FGF12: variants seen among roughly 807,000 people sequenced by gnomAD.
FGF12 encodes the protein fibroblast growth factor 12, also known as fibroblast growth factor 12B.
In FGF12, 14 loss-of-function variants were observed where a neutral mutation model predicts 23.6. The observed-to-expected ratio is 0.59, with a 90% confidence interval of 0.39 to 0.93. The LOEUF (loss-of-function observed/expected upper bound fraction) is 0.93, where lower values mean the gene tolerates loss of function less well. FGF12 is among the 40% of genes least tolerant of loss of function. The pLI, the probability that FGF12 is intolerant of heterozygous loss-of-function variation, is 0.00. For synonymous variants in FGF12, 62 were observed against 77.3 expected, an observed-to-expected ratio of 0.80 and a Z score of 1.04; for missense variants, 175 against 217.8, an observed-to-expected ratio of 0.80 and a Z score of 1.24.
intron 2 of FGF12, among the ~76,000 whole-genome samples, chr3:192,593,440 T>C (rs1182016235): frequency 6.6e-6 from 1 of 151,920 alleles, no homozygotes; most frequent in Admixed American, 6.6e-5. Flanking sequence ...TATTTGTTTA[T>C]TTGCTGATAT....
chr3:192,166,564 T>G (rs1715172554), intron 5 of FGF12, among the ~76,000 whole-genome samples: 1 of 152,240 alleles, frequency 6.6e-6, no homozygotes, highest in Non-Finnish European at 1.5e-5. Context: ...CTTTGCCAAT[T>G]GCTAGCTGCA....
chr3:192,594,203 ATGAG>A (rs1247107949), intron 2 of FGF12, among the ~76,000 whole-genome samples: 1 of 152,032 alleles, frequency 6.6e-6, no homozygotes, highest in African/African-American at 2.4e-5. Context: ...AATGAATAGA[ATGAG>A]TGTCATCACA....
intron 4 of FGF12, among the ~76,000 whole-genome samples, chr3:192,272,847 A>G (rs1713534351): frequency 1.3e-5 from 2 of 152,154 alleles, no homozygotes; most frequent in South Asian, 2.1e-4. Context: ...TTGACTTGTG[A>G]TTTGCTAAAT....
At chr3:192,470,438 T>C (rs1027953910) in intron 2 of FGF12, among the ~76,000 whole-genome samples, 1 of 152,188 alleles carries the variant, frequency 6.6e-6, no homozygotes, top group Non-Finnish European at 1.5e-5. Flanking sequence ...GCCTAGGCTG[T>C]AGTGCAATGG....
chr3:192,701,417 G>T (rs753126217), intron 2 of FGF12, among the ~76,000 whole-genome samples: 2 of 152,106 alleles, frequency 1.3e-5, no homozygotes, highest in East Asian at 1.9e-4. Flanking sequence ...CTCATATTTG[G>T]CTCAGAATAA....
At chr3:192,324,772 T>C (rs1716734716) in intron 4 of FGF12, among the ~76,000 whole-genome samples, 1 of 152,208 alleles carries the variant, frequency 6.6e-6, no homozygotes, top group African/African-American at 2.4e-5. Flanking sequence ...TGGCCTAATG[T>C]GGCTAATGAC....
chr3:192,598,377 T>C (rs2708310), intron 2 of FGF12, among the ~76,000 whole-genome samples: 50,161 of 152,122 alleles, frequency 0.33, 8,582 homozygotes, highest in African/African-American at 0.41. Flanking sequence ...AGCTGGCTGA[T>C]AGTTCATTGC....
At chr3:192,347,384 G>A (rs1718014090) in intron 3 of FGF12, among the ~76,000 whole-genome samples, 1 of 152,154 alleles carries the variant, frequency 6.6e-6, no homozygotes, top group Admixed American at 6.6e-5. Context: ...CAATTACAAT[G>A]CAGTTAAAGT....
chr3:192,302,792 G>C (rs73066540), intron 4 of FGF12, among the ~76,000 whole-genome samples: 2,891 of 152,302 alleles, frequency 0.019, 96 homozygotes, highest in African/African-American at 0.066. Flanking sequence ...TTGCATTGGT[G>C]CCTGATCTTA....
At chr3:192,160,941 G>T (rs1212108283) in intron 5 of FGF12, among the ~76,000 whole-genome samples, 1 of 151,884 alleles carries the variant, frequency 6.6e-6, no homozygotes. Context: ...AATACTATAC[G>T]GTAGACAATA....
intron 4 of FGF12, among the ~76,000 whole-genome samples, chr3:192,198,622 T>C (rs928815675): frequency 1.3e-5 from 2 of 152,184 alleles, no homozygotes; most frequent in African/African-American, 4.8e-5. Flanking sequence ...TTAGAAAGAT[T>C]TCATGAAAAT....
chr3:192,335,199 A>G (rs529501295), intron 4 of FGF12, among the ~76,000 whole-genome samples, 162 bp downstream of exon 4: 1 of 152,320 alleles, frequency 6.6e-6, no homozygotes, highest in Admixed American at 6.5e-5. Context: ...ATGGTCCTTA[A>G]CACTCTAAAT....
chr3:192,709,176 A>G (rs4687354), intron 2 of FGF12, among the ~76,000 whole-genome samples: 83,431 of 152,006 alleles, frequency 0.55, 23,753 homozygotes, highest in East Asian at 0.84. Flanking sequence ...CCAGACAACT[A>G]TCCCCTGAAT....
intron 2 of FGF12, among the ~76,000 whole-genome samples, chr3:192,390,582 G>C (rs893920307): frequency 2.0e-5 from 3 of 152,128 alleles, no homozygotes; most frequent in Non-Finnish European, 4.4e-5. Context: ...ATGGCAGAAG[G>C]GATGAAGAAA....
At chr3:192,323,695 T>C (rs969960845) in intron 4 of FGF12, among the ~76,000 whole-genome samples, 2 of 151,962 alleles carry the variant, frequency 1.3e-5, no homozygotes, top group African/African-American at 2.4e-5. Context: ...CCTAAAAGAG[T>C]ATAATTGAAT....
intron 4 of FGF12, among the ~76,000 whole-genome samples, chr3:192,296,054 TTTTC>T (rs1560056860): frequency 7.2e-5 from 10 of 139,366 alleles, no homozygotes; most frequent in African/African-American, 2.7e-4. Flanking sequence ...CTAACTTTGT[TTTTC>T]TTTCTTTTTT....
intron 2 of FGF12, among the ~76,000 whole-genome samples, chr3:192,422,066 TC>T (rs1721548746): frequency 6.6e-6 from 1 of 152,050 alleles, no homozygotes; most frequent in South Asian, 2.1e-4. Context: ...TATTTTTTTT[TC>T]CTGTGTACAA....
intron 4 of FGF12, among the ~76,000 whole-genome samples, chr3:192,202,925 A>T (rs191805275): frequency 4.5e-4 from 69 of 152,352 alleles, no homozygotes; most frequent in Non-Finnish European, 9.1e-4. Flanking sequence ...CTATATTTCT[A>T]GTGCTTGCTC....
At chr3:192,230,394 C>T (rs1216484352) in intron 4 of FGF12, among the ~76,000 whole-genome samples, 1 of 152,014 alleles carries the variant, frequency 6.6e-6, no homozygotes, top group East Asian at 1.9e-4. Context: ...TTTTTTGCAT[C>T]ACTGAAGCAA....
Sources: allele counts gnomAD v4.1 joint callset (sites outside exome capture counted in the v4.1 genomes callset), GRCh38; gene constraint gnomAD v4.1.1; transcripts MANE v1.5; gene names NCBI Gene and HGNC (gene_info 2026-07-23, HGNC 2026-07-21).